Variants in DHRS12 observed in about 807,000 individuals in gnomAD.
DHRS12 encodes dehydrogenase/reductase SDR family member 12.
In DHRS12, 29 loss-of-function variants were observed where a neutral mutation model predicts 32.1. The ratio of observed to expected loss-of-function variants is 0.90; its 90% confidence interval spans 0.67 to 1.23. The LOEUF is 1.23. DHRS12 is among the 50% of genes most tolerant of loss of function. DHRS12 has a pLI of 0.00. For synonymous variants in DHRS12, 150 were observed against 135.9 expected, an observed-to-expected ratio of 1.10 and a Z score of -0.72; for missense variants, 330 against 337.2, an observed-to-expected ratio of 0.98 and a Z score of 0.17.
chr13:51,769,348 T>G, intron 7 of DHRS12, 55 bp from the exon 8 acceptor site: 1 of 1,331,066 alleles, frequency 7.5e-7, no homozygotes, highest in Non-Finnish European at 9.9e-7. Flanking sequence ...CAAATGTGGT[T>G]GACTTCCCTT....
At chr13:51,794,736 T>G (rs1955433641) in intron 2 of DHRS12, among the ~76,000 whole-genome samples, 1 of 151,082 alleles carries the variant, frequency 6.6e-6, no homozygotes, top group Non-Finnish European at 1.5e-5. Context: ...ATCTCAAAAA[T>G]AGCCTATCTC....
intron 7 of DHRS12, chr13:51,771,201 G>T: frequency 6.5e-7 from 1 of 1,550,220 alleles, no homozygotes; most frequent in Non-Finnish European, 8.7e-7. Context: ...TGGCGCCGCG[G>T]GTGCACCCTG....
rs528958942 is a variant in DHRS12, at chr13:51,792,730, G to A, written c.127-1473C>T. Reference sequence around the variant, plus strand: ...TGGCCATTTGTGTATCTTCTTTGGAGAAATGTCTATTCAAGTCTTTAGACC... The same window carrying A: ...TGGCCATTTGTGTATCTTCTTTGGAAAAATGTCTATTCAAGTCTTTAGACC... On this transcript the variant is annotated intron_variant, in intron 2 of 8. Coordinates refer to ENST00000444610, the MANE Select transcript of DHRS12 (RefSeq NM_001377533.1). 2.6e-5 allele frequency among the ~76,000 whole-genome samples: 4 copies of A among 152,284 alleles called. No individual in the cohort carries two copies. The East Asian group carries it at 5.8e-4, about 22-fold the overall frequency.
At chr13:51,793,654 A>C (rs1218308933) in intron 2 of DHRS12, among the ~76,000 whole-genome samples, 1 of 152,172 alleles carries the variant, frequency 6.6e-6, no homozygotes, top group Non-Finnish European at 1.5e-5. Context: ...ATGTCTGTGA[A>C]GGCCCTCACC....
chr13:51,774,272 T>A, intron 5 of DHRS12: 1 of 476,234 alleles, frequency 2.1e-6, no homozygotes, highest in South Asian at 2.6e-5. Context: ...TCCTACAGTA[T>A]TCTCCTACAG....
intron 2 of DHRS12, among the ~76,000 whole-genome samples, chr13:51,792,393 T>C (rs1955316990): frequency 6.6e-6 from 1 of 152,120 alleles, no homozygotes; most frequent in Admixed American, 6.5e-5. Context: ...GCCATTTGTT[T>C]TTTGTTTGTT....
chr13:51,755,496 A>T, the DHRS12 span: 1 of 1,585,948 alleles, frequency 6.3e-7, no homozygotes, highest in Non-Finnish European at 8.7e-7. Context: ...ATGTAATTAT[A>T]TGGAAATAGC....
the DHRS12 span, chr13:51,756,540 A>G: frequency 2.6e-6 from 4 of 1,512,166 alleles, no homozygotes; most frequent in Non-Finnish European, 3.5e-6. Flanking sequence ...CGCCGCAACC[A>G]TCACTCAGGT....
At chr13:51,758,330 C>G in the DHRS12 span, 3 of 1,498,492 alleles carry the variant, frequency 2.0e-6, no homozygotes, top group Non-Finnish European at 2.8e-6. Context: ...AGAAGCTTTC[C>G]ATCTTTGGCC....
chr13:51,759,352 G>A, the DHRS12 span, among the ~76,000 whole-genome samples: 1 of 152,038 alleles, frequency 6.6e-6, no homozygotes, highest in South Asian at 2.1e-4. Context: ...TATTTGGAGG[G>A]TGGAACAAAT....
At chr13:51,795,228 C>G (rs518210) in intron 2 of DHRS12, among the ~76,000 whole-genome samples, 128,653 of 152,050 alleles carry the variant, frequency 0.85, 54,528 homozygotes, top group Middle Eastern at 0.91. Flanking sequence ...CAACCATGCA[C>G]GCAGGACCAG....
chr13:51,773,221 G>A lies in DHRS12; in HGVS notation c.468+709C>T, dbSNP rs143469495. Among the ~76,000 whole-genome samples, 327 of 152,270 alleles carry A rather than the reference G, an allele frequency of 2.1e-3. 2 individuals carry two copies. Among genetic ancestry groups the A allele is most frequent in the African/African-American group, 7.7e-3 (319 of 41,550 alleles). Reference sequence around the variant, plus strand: ...TTTGGAATATCTGCATATACATAACGAGATATCTTGGGGATAGAACTCAAA... The same window carrying A: ...TTTGGAATATCTGCATATACATAACAAGATATCTTGGGGATAGAACTCAAA... On this transcript the variant is annotated intron_variant, in intron 6 of 8. Coordinates refer to ENST00000444610, the MANE Select transcript of DHRS12 (RefSeq NM_001377533.1).
At chr13:51,773,038 C>T (rs1954107160) in intron 6 of DHRS12, 6 of 985,380 alleles carry the variant, frequency 6.1e-6, no homozygotes, top group Non-Finnish European at 7.2e-6. Flanking sequence ...GGCGCCCTAG[C>T]GGGTGAATTT....
chr13:51,802,089 T>C, intron 1 of DHRS12, among the ~76,000 whole-genome samples: 1 of 152,198 alleles, frequency 6.6e-6, no homozygotes, highest in East Asian at 1.9e-4. Context: ...AAGACTTGTC[T>C]TTTATGTACT....
chr13:51,785,904 C>A (rs929040092), intron 4 of DHRS12, among the ~76,000 whole-genome samples: 2 of 152,172 alleles, frequency 1.3e-5, no homozygotes, highest in Non-Finnish European at 2.9e-5. Context: ...CCTCAGTTTC[C>A]TCATTTGTAA....
intron 7 of DHRS12, chr13:51,771,517 T>G: frequency 6.2e-7 from 1 of 1,613,450 alleles, no homozygotes; most frequent in Admixed American, 1.7e-5. Flanking sequence ...ATGACAATGG[T>G]CACCGGCTCC....
chr13:51,770,089 G>A (rs1193442358), intron 7 of DHRS12, among the ~76,000 whole-genome samples: 1 of 152,186 alleles, frequency 6.6e-6, no homozygotes, highest in Non-Finnish European at 1.5e-5. Context: ...TGAGATCATG[G>A]AATTTTAGAG....
At chr13:51,785,824 G>GCC (rs1193861835) in intron 4 of DHRS12, among the ~76,000 whole-genome samples, 1 of 152,170 alleles carries the variant, frequency 6.6e-6, no homozygotes, top group Non-Finnish European at 1.5e-5. Context: ...ACTAAAAAAT[G>GCC]CCCCAACCAC....
chr13:51,759,872 G>C, the DHRS12 span: 1 of 1,298,400 alleles, frequency 7.7e-7, no homozygotes, highest in Non-Finnish European at 1.1e-6. Context: ...AAGTAAGAAA[G>C]AAACTAAAGA....
Sources: gnomAD v4.1 joint callset for allele counts (sites outside exome capture counted in the v4.1 genomes callset) on GRCh38, gnomAD v4.1.1 for gene constraint, MANE v1.5 for transcripts, NCBI Gene and HGNC (gene_info 2026-07-23, HGNC 2026-07-21) for gene names.